NDUFB9: variants seen among roughly 807,000 people sequenced by gnomAD.
The protein encoded by NDUFB9 is NADH:ubiquinone oxidoreductase subunit B9, also known as NADH dehydrogenase [ubiquinone] 1 beta subcomplex subunit 9.
In NDUFB9, 24 loss-of-function variants were observed where a neutral mutation model predicts 30.2. That is an observed-to-expected ratio of 0.80 (90% CI 0.58 to 1.12). NDUFB9 has a LOEUF of 1.12. Among genes scored for constraint, NDUFB9 ranks in the 50% most tolerant of loss-of-function variants. The pLI is 0.00. For missense variants in NDUFB9, 204 were observed against 226.0 expected, an observed-to-expected ratio of 0.90 and a Z score of 0.62; for synonymous variants, 80 against 84.0, an observed-to-expected ratio of 0.95 and a Z score of 0.26.
At chr8:124,543,347 C>G in intron 2 of NDUFB9, 68 bp downstream of exon 2, 1 of 1,515,550 alleles carries the variant, frequency 6.6e-7, no homozygotes, top group South Asian at 1.1e-5. Context: ...ACACCTCAGC[C>G]TCAGAAATCA....
At chr8:124,541,744 C>T (rs1821999655) in intron 1 of NDUFB9, among the ~76,000 whole-genome samples, 1 of 152,164 alleles carries the variant, frequency 6.6e-6, no homozygotes, top group Non-Finnish European at 1.5e-5. Context: ...GCTGGGATTA[C>T]AGGCATGCGC....
intron 3 of NDUFB9, chr8:124,547,453 T>TA (rs1404395788): frequency 1.7e-6 from 1 of 586,888 alleles, no homozygotes; most frequent in African/African-American, 1.9e-5. Context: ...GATGGTCAGT[T>TA]ATATTTTTAA....
chr8:124,542,795 G>A (rs1457233321), intron 1 of NDUFB9: 2 of 378,238 alleles, frequency 5.3e-6, no homozygotes, highest in Admixed American at 4.4e-5. Context: ...TTTCTCTTGC[G>A]AATGCTCTTT....
chr8:124,543,151 G>A lies in NDUFB9; in HGVS notation c.166G>A (p.Asp56Asn), dbSNP rs1450763254. The change falls in exon 2 of 4, where the codon GAT becomes AAT. Residue 56 changes from aspartate to asparagine, a missense_variant. Transcript: ENST00000276689. ...GTTTGAAGAACATAAGAATGAAAAG[G>A]ATATGGCGAAGGCCACCCAGCTGCT... ...ARFEEHKNEK[D>N]MAKATQLLKE... 1.1e-5 allele frequency: 17 copies of A among 1,614,106 alleles called. No individual in the cohort carries two copies. Among genetic ancestry groups the A allele is most frequent in the Non-Finnish European group, 1.4e-5 (17 of 1,180,052 alleles).
rs746154079 is a variant in NDUFB9, at chr8:124,547,154, A to G, written c.408+41A>G. ...ACTTCGTTATTCCTTAGCTATGTAG[A>G]TGGAGTGAAGTTTTGCTCCCCACAA... On this transcript the variant is annotated intron_variant, in intron 3 of 3. Transcript: ENST00000276689. 5 of 1,509,188 alleles carry G rather than the reference A, an allele frequency of 3.3e-6. No individual in the cohort carries two copies. In the Admixed American group the frequency reaches 8.4e-5, roughly 25 times the overall value. 93.5% of individuals were successfully genotyped at this position (1,509,188 alleles called of 1,614,324 possible).
chr8:124,543,349 C>T, intron 2 of NDUFB9, 70 bp downstream of exon 2: 1 of 1,507,582 alleles, frequency 6.6e-7, no homozygotes, highest in Non-Finnish European at 9.2e-7. Flanking sequence ...ACCTCAGCCT[C>T]AGAAATCACT....
intron 1 of NDUFB9, among the ~76,000 whole-genome samples, chr8:124,542,610 A>G (rs1190660526): frequency 1.3e-5 from 2 of 152,210 alleles, no homozygotes; most frequent in Admixed American, 6.5e-5. Context: ...AGCTAGTGTC[A>G]GAGTCAGGAT....
intron 1 of NDUFB9, among the ~76,000 whole-genome samples, chr8:124,541,932 G>A (rs1412153379): frequency 2.1e-5 from 3 of 139,858 alleles, no homozygotes; most frequent in Non-Finnish European, 3.1e-5. Flanking sequence ...GTTTTTTTTT[G>A]AGATGAAGTC....
intron 2 of NDUFB9, chr8:124,546,784 T>C: frequency 1.7e-6 from 1 of 598,314 alleles, no homozygotes; most frequent in African/African-American, 1.8e-5. Context: ...ATGATGGTGC[T>C]ATTTTTCAGC....
chr8:124,549,848 C>G lies in NDUFB9; in HGVS notation c.496C>G (p.Leu166Val), dbSNP rs1586721284. The change falls in exon 4 of 4, where the codon CTG becomes GTG. Residue 166 changes from leucine to valine, a missense_variant. Physicochemically the swap from Leu to Val is conservative, Grantham distance 32. Transcript: ENST00000276689. ...CCGAAAGGAAGGTGATTTGCCCCCA[C>G]TGTGGTGGTATATTGTGACCAGACC... ...PARKEGDLPP[L>V]WWYIVTRPRE... 1.2e-6 allele frequency: 2 copies of G among 1,614,100 alleles called. No homozygotes were observed. Among genetic ancestry groups the G allele is most frequent in the South Asian group, 1.1e-5 (1 of 91,094 alleles).
intron 1 of NDUFB9, 114 bp from the exon 2 acceptor site, chr8:124,542,973 G>C: frequency 9.4e-7 from 1 of 1,066,850 alleles, no homozygotes; most frequent in Non-Finnish European, 1.4e-6. Flanking sequence ...GGGAGGGTTG[G>C]GGTAGGTCCA....
At chr8:124,548,720 T>C (rs1184623172) in intron 3 of NDUFB9, among the ~76,000 whole-genome samples, 1 of 151,980 alleles carries the variant, frequency 6.6e-6, no homozygotes, top group Non-Finnish European at 1.5e-5. Context: ...CATGATGGAA[T>C]CTAAGCTGAA....
chr8:124,544,864 A>T (rs1252780615), intron 2 of NDUFB9, among the ~76,000 whole-genome samples: 1 of 152,116 alleles, frequency 6.6e-6, no homozygotes, highest in African/African-American at 2.4e-5. Context: ...TGGGCAAAGT[A>T]AAATTTTCTG....
At chr8:124,542,130 G>T (rs1276239345) in intron 1 of NDUFB9, among the ~76,000 whole-genome samples, 1 of 150,356 alleles carries the variant, frequency 6.7e-6, no homozygotes, top group Non-Finnish European at 1.5e-5. Context: ...TGGCCAGGCT[G>T]GTGTAGAACT....
intron 2 of NDUFB9, among the ~76,000 whole-genome samples, chr8:124,544,196 C>A (rs1206365941): frequency 6.6e-6 from 1 of 152,136 alleles, no homozygotes; most frequent in Non-Finnish European, 1.5e-5. Context: ...GTCTTTAACT[C>A]TTCATTTCTA....
Position 124,543,295 on chromosome 8 carries a change from G to A in NDUFB9, c.294+16G>A, listed in dbSNP as rs767465749. 6.2e-7 allele frequency: 1 copy of A among 1,606,314 alleles called. No homozygotes were observed. ...TTGCTACAAGGTAGGTGAGAATTAT[G>A]ATGACTGCCTTCTGAGAAATAGACT... is the stretch of plus-strand genomic sequence containing the variant. On this transcript the variant is annotated intron_variant, in intron 2 of 3. Coordinates refer to ENST00000276689, the MANE Select transcript of NDUFB9 (RefSeq NM_005005.3).
At chr8:124,540,326 T>C (rs1265528319) in intron 1 of NDUFB9, among the ~76,000 whole-genome samples, 2 of 152,230 alleles carry the variant, frequency 1.3e-5, no homozygotes, top group Non-Finnish European at 2.9e-5. Flanking sequence ...ATGCTAAATA[T>C]ATAAATGTTA....
chr8:124,539,133 A>T lies in NDUFB9; in HGVS notation c.-54A>T. The T allele has an allele frequency of 6.2e-7, 1 of 1,613,312 alleles. No individual in the cohort carries two copies. The highest frequency in any genetic ancestry group is 8.5e-7 in the Non-Finnish European group (1 of 1,179,282). On this transcript the variant is annotated 5_prime_UTR_variant, in exon 1 of 4. Transcript: ENST00000276689. ...CGGCTGGCCCCGCTCAGTCACCCGC[A>T]GCAGGCGTGCAGTTTCCCGGCTCTC...
At chr8:124,549,718 A>G (rs1353565560) in intron 3 of NDUFB9, 43 bp from the exon 4 acceptor site, 2 of 1,595,942 alleles carry the variant, frequency 1.3e-6, no homozygotes, top group African/African-American at 1.3e-5. Context: ...TTTATAGTCA[A>G]TTAGATTCCT....
Sources: allele counts gnomAD v4.1 joint callset (sites outside exome capture counted in the v4.1 genomes callset), GRCh38; gene constraint gnomAD v4.1.1; transcripts MANE v1.5; gene names NCBI Gene and HGNC (gene_info 2026-07-23, HGNC 2026-07-21).